NWD1: variants seen among roughly 807,000 people sequenced by gnomAD.
The protein encoded by NWD1 is NACHT domain- and WD repeat-containing protein 1.
A neutral mutation model predicts 135.1 loss-of-function variants in NWD1; 129 were observed. The observed-to-expected ratio is 0.96, with a 90% confidence interval of 0.83 to 1.11. The LOEUF (loss-of-function observed/expected upper bound fraction) is 1.11. Among genes scored for constraint, NWD1 ranks in the 50% least tolerant of loss-of-function variants. The probability of loss-of-function intolerance (pLI) is 0.00; values close to 1 mark genes in which losing one functional copy is unlikely to be tolerated. For synonymous variants in NWD1, 773 were observed against 786.0 expected, an observed-to-expected ratio of 0.98 and a Z score of 0.28; for missense variants, 1,740 against 1,851.3, an observed-to-expected ratio of 0.94 and a Z score of 1.10.
At chr19:16,809,398 T>C (rs1266445630) in intron 18 of NWD1, among the ~76,000 whole-genome samples, 2 of 151,878 alleles carry the variant, frequency 1.3e-5, no homozygotes, top group African/African-American at 2.4e-5. Flanking sequence ...TAATGCAATA[T>C]TTTTAAAAAT....
chr19:16,724,506 G>C (rs1304481818), intron 2 of NWD1, 43 bp downstream of exon 2: 2 of 152,138 alleles, frequency 1.3e-5, no homozygotes, highest in Non-Finnish European at 2.9e-5. Flanking sequence ...GTTTGCTACT[G>C]TTGTGAAGAG....
intron 17 of NWD1, 75 bp from the exon 18 acceptor site, chr19:16,807,511 A>C: frequency 7.7e-7 from 1 of 1,306,318 alleles, no homozygotes; most frequent in Non-Finnish European, 1.1e-6. Context: ...AACAAAACAA[A>C]AAAAACCACC....
intron 17 of NWD1, among the ~76,000 whole-genome samples, chr19:16,800,626 C>T (rs1243098860): frequency 3.3e-5 from 5 of 152,108 alleles, no homozygotes; most frequent in African/African-American, 7.2e-5. Context: ...AGTTCCAGAT[C>T]AAAGTGCAAG....
At position 16,765,101 on chromosome 19, in the gene NWD1, C is replaced by G. The variant is rs752965700; in HGVS notation, c.2319C>G (p.Asp773Glu). Reference protein sequence around the residue: ...GGIEDLLDDFDLCAPHLDSPE... With the variant: ...GGIEDLLDDFELCAPHLDSPE... Reference sequence around the variant, plus strand: ...TTGAAGACCTGCTGGATGACTTTGACCTGTGTGCCCCTCACCTGGACTCCC... The same window carrying G: ...TTGAAGACCTGCTGGATGACTTTGAGCTGTGTGCCCCTCACCTGGACTCCC... The change falls in exon 10 of 19, where the codon GAC becomes GAG. Residue 773 changes from aspartate to glutamate, a missense_variant. By Grantham distance (45) the Asp-to-Glu change is conservative. Coordinates refer to ENST00000524140, the MANE Select transcript of NWD1 (RefSeq NM_001007525.5). 3 of 1,614,148 alleles carry G rather than the reference C, an allele frequency of 1.9e-6. No homozygotes were observed. The highest frequency in any genetic ancestry group is 2.5e-6 in the Non-Finnish European group (3 of 1,180,002).
At chr19:16,804,844 G>T (rs1970704971) in intron 17 of NWD1, among the ~76,000 whole-genome samples, 1 of 151,292 alleles carries the variant, frequency 6.6e-6, no homozygotes, top group African/African-American at 2.4e-5. Flanking sequence ...TCTTATTTAA[G>T]AGTCAGGGCT....
intron 4 of NWD1, among the ~76,000 whole-genome samples, chr19:16,739,858 C>T (rs1004038498): frequency 6.6e-6 from 1 of 152,190 alleles, no homozygotes; most frequent in Non-Finnish European, 1.5e-5. Flanking sequence ...TCCTATTTCC[C>T]TTGCTCTGAT....
chr19:16,807,610 C>A lies in NWD1; in HGVS notation c.3761C>A (p.Thr1254Asn), dbSNP rs771695581. 1.3e-6 allele frequency: 2 copies of A among 1,536,318 alleles called. No homozygotes were observed. Among genetic ancestry groups the A allele is most frequent in the Non-Finnish European group, 1.7e-6 (2 of 1,143,162 alleles). The change falls in exon 18 of 19, where the codon ACC becomes AAC. Residue 1254 changes from threonine (T) to asparagine (N), a missense_variant. By Grantham distance (65) the Thr-to-Asn change is moderately conservative. Coordinates refer to ENST00000524140, the MANE Select transcript of NWD1 (RefSeq NM_001007525.5). The part of the protein sequence containing the change: ...AEGEEQDSLD[T>N]SSEIRCLEVA... ...GGCGAGGAACAAGATTCCCTGGACA[C>A]CTCCAGTGAGATCAGGTGTCTGGAG...
chr19:16,802,670 G>T (rs1599556986), intron 17 of NWD1, among the ~76,000 whole-genome samples: 2 of 152,010 alleles, frequency 1.3e-5, no homozygotes, highest in African/African-American at 4.8e-5. Flanking sequence ...TCATAATTAT[G>T]CATTACTGTA....
In NWD1 at chr19:16,725,945, GTT is replaced by G. The variant is rs71180318; in HGVS notation, c.-7+1491_-7+1492del. Among the ~76,000 whole-genome samples, 974 of 148,186 alleles carry G rather than the reference GTT, an allele frequency of 6.6e-3. 6 individuals carry two copies. The highest frequency in any genetic ancestry group is 0.023 in the African/African-American group (927 of 40,388). ...GGCACCATCATGCCATAGCTACATT[GTT>G]TTTTTTTTGTTTGTTTTTTTTTGCT... On this transcript the variant is annotated intron_variant, in intron 2 of 18. Transcript: ENST00000524140.
In NWD1 at chr19:16,749,285, T is replaced by C. The variant is rs149592897; in HGVS notation, c.643T>C (p.Cys215Arg). The C allele has an allele frequency of 2.1e-3, 3,361 of 1,614,012 alleles. 13 individuals are homozygous for C. Among genetic ancestry groups the C allele is most frequent in the Non-Finnish European group, 2.6e-3 (3,073 of 1,180,002 alleles). Residue 215 changes from cysteine (C) to arginine (R), a missense_variant, in exon 6 of 19, where the codon TGC becomes CGC. Physicochemically the swap from Cys to Arg is radical, Grantham distance 180. Transcript: ENST00000524140. ...LRMVDRLADG[C>R]LDADAQNLLS... ...GATGGTGGACCGGCTCGCGGATGGC[T>C]GCCTGGACGCTGATGCCCAGAACCT...
intron 4 of NWD1, among the ~76,000 whole-genome samples, chr19:16,737,329 T>C (rs1967863799): frequency 6.6e-6 from 1 of 152,050 alleles, no homozygotes. Flanking sequence ...AGTGGCAAGA[T>C]CATGGCTCAC....
chr19:16,755,687 C>CTTATTTATTTATTTATTTATTTAT (rs60291508), intron 6 of NWD1, among the ~76,000 whole-genome samples: 23 of 148,014 alleles, frequency 1.6e-4, no homozygotes, highest in Admixed American at 1.4e-3. Context: ...CACATCCAGC[C>CTTATTTATTTATTTATTTATTTAT]TTATTTATTT....
At chr19:16,739,922 A>G (rs878507) in intron 4 of NWD1, among the ~76,000 whole-genome samples, 103,254 of 151,912 alleles carry the variant, frequency 0.68, 36,554 homozygotes, top group African/African-American at 0.83. Flanking sequence ...TGTTTCCTTC[A>G]TATAACCTCT....
chr19:16,744,322 A>G, intron 4 of NWD1, 99 bp from the exon 5 acceptor site: 1 of 971,272 alleles, frequency 1.0e-6, no homozygotes, highest in Non-Finnish European at 1.5e-6. Context: ...GGCTGCAGTG[A>G]GCCATGGTTG....
chr19:16,740,021 C>G (rs1002262253), intron 4 of NWD1, among the ~76,000 whole-genome samples: 1 of 152,040 alleles, frequency 6.6e-6, no homozygotes, highest in East Asian at 1.9e-4. Flanking sequence ...ATGAGGCTGG[C>G]CACCTTGGAT....
rs150700806 is a variant in NWD1 at position 16,812,378 on chromosome 19, T to C, written c.4288-2650T>C. On this transcript the variant is annotated intron_variant, in intron 18 of 18. Coordinates refer to ENST00000524140, the MANE Select transcript of NWD1 (RefSeq NM_001007525.5). Reference sequence around the variant, plus strand: ...GTCTTTCAGTTTGGAATCAAGATCATATTGTCTGGGTCAGGCACGTTGGCT... The same window carrying C: ...GTCTTTCAGTTTGGAATCAAGATCACATTGTCTGGGTCAGGCACGTTGGCT... Among the ~76,000 whole-genome samples, 404 of 151,532 alleles carry C rather than the reference T, an allele frequency of 2.7e-3. 2 individuals carry two copies. The highest frequency in any genetic ancestry group is 4.8e-3 in the Non-Finnish European group (325 of 67,944).
intron 5 of NWD1, among the ~76,000 whole-genome samples, chr19:16,746,627 C>T (rs113802325): frequency 0.084 from 12,701 of 151,324 alleles, 1,014 homozygotes; most frequent in African/African-American, 0.21. Flanking sequence ...GAGCTGAGAT[C>T]GCACCACTGC....
intron 12 of NWD1, among the ~76,000 whole-genome samples, chr19:16,780,369 G>A (rs2122997552): frequency 6.6e-6 from 1 of 152,152 alleles, no homozygotes; most frequent in East Asian, 1.9e-4. Flanking sequence ...TGTTAGCCAG[G>A]ATGGTCTCAA....
rs760317350 is a variant in NWD1 at position 16,749,453 on chromosome 19, G to T, written c.811G>T (p.Val271Leu). 6.2e-7 allele frequency: 1 copy of T among 1,613,398 alleles called. No homozygotes were observed. Among genetic ancestry groups the T allele is most frequent in the South Asian group, 1.1e-5 (1 of 91,066 alleles). Residue 271 changes from valine (V) to leucine (L), a missense_variant, in exon 6 of 19, where the codon GTG becomes TTG. Physicochemically the swap from Val to Leu is conservative, Grantham distance 32. Transcript: ENST00000524140. ...YLKELGEQFVVRANHQVLTRL... is the reference protein window; with the variant it reads ...YLKELGEQFVLRANHQVLTRL... ...GAAGGAGCTGGGTGAGCAGTTTGTG[G>T]TGAGGGCCAATCACCAGGTCCTCAC...
Sources: allele counts gnomAD v4.1 joint callset (sites outside exome capture counted in the v4.1 genomes callset), GRCh38; gene constraint gnomAD v4.1.1; transcripts MANE v1.5; gene names NCBI Gene and HGNC (gene_info 2026-07-23, HGNC 2026-07-21).